The following STK31 variants were observed in gnomAD, a reference collection of about 807,000 sequenced individuals.
STK31 encodes serine/threonine-protein kinase 31.
Under a neutral mutation model 129.7 loss-of-function variants are expected in STK31, and 89 were observed. The ratio of observed to expected loss-of-function variants is 0.69; its 90% CI spans 0.58 to 0.82. The LOEUF (loss-of-function observed/expected upper bound fraction) is 0.82, where lower values mean the gene tolerates loss of function less well. STK31 is among the 40% of genes least tolerant of loss of function. STK31 has a pLI of 0.00. For synonymous variants in STK31, 448 were observed against 395.3 expected (o/e 1.13, Z -1.58); for missense variants, 1,187 against 1,176.4 (o/e 1.01, Z -0.13).
intron 15 of STK31, among the ~76,000 whole-genome samples, chr7:23,775,510 A>G (rs1211556510): frequency 1.3e-5 from 2 of 152,182 alleles, no homozygotes; most frequent in Non-Finnish European, 2.9e-5. Context: ...TTCGTTGAGC[A>G]GTGGTTTGTA....
chr7:23,740,944 A>G (rs992233462), intron 8 of STK31, among the ~76,000 whole-genome samples: 1 of 152,186 alleles, frequency 6.6e-6, no homozygotes, highest in Non-Finnish European at 1.5e-5. Context: ...TTCCCTTTAT[A>G]TGTACATGTT....
At chr7:23,800,764 G>GA (rs992416778) in intron 22 of STK31, among the ~76,000 whole-genome samples, 2 of 151,808 alleles carry the variant, frequency 1.3e-5, no homozygotes, top group Non-Finnish European at 2.9e-5. Flanking sequence ...AGAAAAAATA[G>GA]AAAAAAATAT....
intron 6 of STK31, among the ~76,000 whole-genome samples, chr7:23,732,792 C>T (rs1213822779): frequency 6.6e-6 from 1 of 152,126 alleles, no homozygotes; most frequent in East Asian, 1.9e-4. Context: ...AATAATTCCA[C>T]ATATACCAGC....
At chr7:23,780,457 GA>G (rs1260258689) in intron 15 of STK31, among the ~76,000 whole-genome samples, 1 of 152,176 alleles carries the variant, frequency 6.6e-6, no homozygotes, top group Non-Finnish European at 1.5e-5. Flanking sequence ...ATTTAAAAGG[GA>G]AAGGATGGAT....
intron 22 of STK31, among the ~76,000 whole-genome samples, chr7:23,809,698 T>A (rs1792963478): frequency 6.6e-6 from 1 of 152,230 alleles, no homozygotes; most frequent in South Asian, 2.1e-4. Flanking sequence ...TCTACATTGT[T>A]CAAGGGACTA....
In STK31 at chr7:23,729,270, A is replaced by AT. The variant is rs758034949; in HGVS notation, c.483+26dup. 2.6e-6 allele frequency: 4 copies of AT among 1,553,920 alleles called. 1 individual carries two copies. In the South Asian group the frequency reaches 5.0e-5, roughly 19 times the overall value. The stretch of plus-strand genomic sequence containing the variant: ...ATCAGGCAAGTCACGTATTTTAAAT[A>AT]TTTTTGCTAATGAAAGTAAAACTAT... On this transcript the variant is annotated intron_variant, in intron 6 of 23. Coordinates refer to ENST00000355870, the MANE Select transcript of STK31 (RefSeq NM_031414.5).
intron 23 of STK31, among the ~76,000 whole-genome samples, chr7:23,825,041 A>T (rs1301044454): frequency 6.6e-6 from 1 of 152,076 alleles, no homozygotes; most frequent in East Asian, 1.9e-4. Flanking sequence ...TTCATCAAGA[A>T]TATTGGTCTA....
chr7:23,737,935 C>T (rs906003733), intron 8 of STK31, among the ~76,000 whole-genome samples: 10 of 151,518 alleles, frequency 6.6e-5, no homozygotes, highest in Admixed American at 6.6e-5. Context: ...TGCACTAGTT[C>T]CTCCAATTCT....
chr7:23,785,793 A>G (rs907866504), intron 18 of STK31, among the ~76,000 whole-genome samples, 190 bp downstream of exon 18: 1 of 143,960 alleles, frequency 6.9e-6, no homozygotes, highest in African/African-American at 2.5e-5. Flanking sequence ...CAATTGAACA[A>G]TGAGAACACT....
At chr7:23,778,425 G>A (rs771947934) in intron 15 of STK31, among the ~76,000 whole-genome samples, 5 of 152,156 alleles carry the variant, frequency 3.3e-5, no homozygotes, top group Non-Finnish European at 5.9e-5. Flanking sequence ...ATATGCTTAA[G>A]TGTGTTTTCC....
At chr7:23,752,226 A>G (rs1672166972) in intron 8 of STK31, among the ~76,000 whole-genome samples, 1 of 152,208 alleles carries the variant, frequency 6.6e-6, no homozygotes, top group African/African-American at 2.4e-5. Context: ...AGGAGTGATA[A>G]TGTATAGTTT....
At chr7:23,820,383 G>C (rs751629878) in intron 23 of STK31, among the ~76,000 whole-genome samples, 9 of 152,120 alleles carry the variant, frequency 5.9e-5, no homozygotes, top group Non-Finnish European at 8.8e-5. Flanking sequence ...AGTGCTGACT[G>C]TACTTACTTA....
chr7:23,726,208 C>T lies in STK31; in HGVS notation c.250-1033C>T, dbSNP rs554696616. The T allele has an allele frequency of 5.3e-5, 8 of 152,120 alleles. No individual in the cohort carries two copies. In the South Asian group the frequency reaches 8.3e-4, roughly 16 times the overall value. The allele number at this position is 152,120 out of a possible 1,614,324, so 9.4% of individuals were successfully genotyped here. On this transcript the variant is annotated intron_variant, in intron 4 of 23. Coordinates refer to ENST00000355870, the MANE Select transcript of STK31 (RefSeq NM_031414.5). ...GGAGACATTTGACAGTGTTTGGAGA[C>T]GTTTTTGCTTGTCACAACTGGAAGT...
chr7:23,825,362 CT>C (rs1316128075), intron 23 of STK31, among the ~76,000 whole-genome samples: 2 of 152,200 alleles, frequency 1.3e-5, no homozygotes, highest in Admixed American at 1.3e-4. Context: ...ACCATTTCTT[CT>C]AGATTTTCTA....
chr7:23,734,971 G>T (rs930823384), intron 6 of STK31, among the ~76,000 whole-genome samples: 5 of 152,084 alleles, frequency 3.3e-5, no homozygotes, highest in African/African-American at 1.2e-4. Context: ...TCTCAAAAAA[G>T]AAGAAAAACA....
intron 22 of STK31, among the ~76,000 whole-genome samples, chr7:23,799,621 A>G (rs542469757): frequency 1.3e-5 from 2 of 152,212 alleles, no homozygotes; most frequent in African/African-American, 4.8e-5. Flanking sequence ...CTTAAGACCT[A>G]AAACCATAAA....
intron 11 of STK31, 44 bp downstream of exon 11, chr7:23,762,967 T>A (rs1789561246): frequency 1.4e-6 from 2 of 1,460,962 alleles, no homozygotes; most frequent in Non-Finnish European, 1.8e-6. Flanking sequence ...ATTGTAAGTT[T>A]ATTTAAGAAG....
At chr7:23,796,699 C>G (rs1264253382) in intron 22 of STK31, among the ~76,000 whole-genome samples, 1 of 152,180 alleles carries the variant, frequency 6.6e-6, no homozygotes, top group East Asian at 1.9e-4. Flanking sequence ...CCCTTAAACG[C>G]TGGCAACCAC....
At chr7:23,724,692 A>G (rs1786948589) in intron 4 of STK31, among the ~76,000 whole-genome samples, 1 of 152,196 alleles carries the variant, frequency 6.6e-6, no homozygotes, top group African/African-American at 2.4e-5. Context: ...TATTTTTGCT[A>G]CTTACCCCTG....
Sources: allele counts gnomAD v4.1 joint callset (sites outside exome capture counted in the v4.1 genomes callset), GRCh38; gene constraint gnomAD v4.1.1; transcripts MANE v1.5; gene names NCBI Gene and HGNC (gene_info 2026-07-23, HGNC 2026-07-21).